Variants in GTF2B observed in about 807,000 individuals in gnomAD.
GTF2B encodes general transcription factor IIB, also known as transcription initiation factor IIB.
GTF2B carries 20 observed loss-of-function variants against 34.6 expected under a neutral mutation model. The observed-to-expected ratio is 0.58, with a 90% CI of 0.41 to 0.84. The LOEUF is 0.84. GTF2B is among the 40% of genes least tolerant of loss of function. GTF2B has a pLI of 0.00. For synonymous variants in GTF2B, 142 were observed against 132.4 expected (o/e 1.07, Z -0.50); for missense variants, 237 against 393.3 (o/e 0.60, Z 3.36).
At chr1:88,856,266 CAAAAACAAAAAAAAAAAAA>C (rs1200374666) in intron 6 of GTF2B, among the ~76,000 whole-genome samples, 7 of 5,976 alleles carry the variant, frequency 1.2e-3, no homozygotes, top group East Asian at 4.0e-3. Context: ...GAGACTGTTT[CAAAAACAAAAAAAAAAAAA>C]AAAAACAAAA....
At chr1:88,867,846 C>T (rs959663496) in intron 2 of GTF2B, among the ~76,000 whole-genome samples, 2 of 152,012 alleles carry the variant, frequency 1.3e-5, no homozygotes, top group African/African-American at 2.4e-5. Context: ...AAATAGAAAG[C>T]GCAACACTGG....
chr1:88,891,376 C>T, intron 1 of GTF2B, 107 bp downstream of exon 1: 2 of 783,816 alleles, frequency 2.6e-6, no homozygotes, highest in South Asian at 1.7e-5. Context: ...CGCTTCTCTC[C>T]CATACCCCTA....
rs188836725 is a variant in GTF2B at position 88,871,485 on chromosome 1, A to G, written c.125-7371T>C. Among the ~76,000 whole-genome samples the G allele has an allele frequency of 4.1e-4, 63 of 152,336 alleles. 1 individual carries two copies. The highest frequency in any genetic ancestry group is 1.4e-3 in the African/African-American group (59 of 41,582). On this transcript the variant is annotated intron_variant, in intron 2 of 6. Transcript: ENST00000370500. Reference sequence around the variant, plus strand: ...AAGGGAAATGTGGGAAGTTATACACAGACTTAATAATGGCTTCTGACCAAA... The same window carrying G: ...AAGGGAAATGTGGGAAGTTATACACGGACTTAATAATGGCTTCTGACCAAA...
intron 2 of GTF2B, among the ~76,000 whole-genome samples, chr1:88,878,342 T>A (rs1557659600): frequency 6.6e-6 from 1 of 152,170 alleles, no homozygotes; most frequent in Non-Finnish European, 1.5e-5. Context: ...ACTGATGAAA[T>A]GGGCAGCTAA....
At chr1:88,854,113 T>C (rs66827886) in intron 6 of GTF2B, among the ~76,000 whole-genome samples, 16,704 of 152,192 alleles carry the variant, frequency 0.11, 2,290 homozygotes, top group African/African-American at 0.32. Context: ...TCCACAAATA[T>C]GTTCTTGTAA....
At chr1:88,873,627 T>C (rs1200276422) in intron 2 of GTF2B, among the ~76,000 whole-genome samples, 1 of 152,224 alleles carries the variant, frequency 6.6e-6, no homozygotes, top group Non-Finnish European at 1.5e-5. Context: ...CCTAGGCTAG[T>C]ATGACCCAAG....
rs199677282 is a variant in GTF2B, at chr1:88,864,141, C to G, written c.125-27G>C. 1.7e-4 allele frequency: 282 copies of G among 1,611,890 alleles called. 2 individuals are homozygous for G. In the South Asian group the frequency reaches 2.6e-3, roughly 15 times the overall value. On this transcript the variant is annotated intron_variant, in intron 2 of 6. Transcript: ENST00000370500. ...TAAGAATATAAGCACATATCTGAAT[C>G]ATTTTGTCAAGATAGGGTTTACTTA... is the stretch of plus-strand genomic sequence containing the variant.
chr1:88,885,052 TTC>T (rs1234005237), intron 2 of GTF2B, among the ~76,000 whole-genome samples: 1 of 152,228 alleles, frequency 6.6e-6, no homozygotes, highest in African/African-American at 2.4e-5. Flanking sequence ...CACATGTGGT[TTC>T]TGTTGAAGCT....
chr1:88,880,356 T>C (rs1673908569), intron 2 of GTF2B, among the ~76,000 whole-genome samples: 1 of 152,198 alleles, frequency 6.6e-6, no homozygotes. Context: ...ATTTTCTTAG[T>C]GTAAGAGGTA....
intron 1 of GTF2B, 184 bp from the exon 2 acceptor site, chr1:88,887,551 C>G: frequency 1.9e-6 from 1 of 520,892 alleles, no homozygotes; most frequent in Non-Finnish European, 3.5e-6. Context: ...CAGCTAGTAA[C>G]TGGCAAGTAG....
intron 2 of GTF2B, among the ~76,000 whole-genome samples, chr1:88,870,038 CT>C (rs1673652961): frequency 6.6e-6 from 1 of 152,084 alleles, no homozygotes; most frequent in Non-Finnish European, 1.5e-5. Context: ...CGCCCTTCTC[CT>C]GCCTCAGCCT....
At chr1:88,858,028 T>C (rs1013346228) in intron 5 of GTF2B, among the ~76,000 whole-genome samples, 2 of 151,714 alleles carry the variant, frequency 1.3e-5, no homozygotes, top group Admixed American at 6.6e-5. Flanking sequence ...TTTTTTGAGA[T>C]GAAATTTCAC....
intron 1 of GTF2B, among the ~76,000 whole-genome samples, chr1:88,890,240 G>T (rs1258021567): frequency 6.6e-6 from 1 of 151,380 alleles, no homozygotes; most frequent in African/African-American, 2.4e-5. Flanking sequence ...CCTACAAGGA[G>T]GCCTTACCCG....
At chr1:88,861,850 A>C (rs938112072) in intron 3 of GTF2B, among the ~76,000 whole-genome samples, 1 of 152,126 alleles carries the variant, frequency 6.6e-6, no homozygotes, top group Non-Finnish European at 1.5e-5. Flanking sequence ...AAAACCAAAA[A>C]ACCCCACAGG....
chr1:88,863,954 G>T, intron 3 of GTF2B, 27 bp downstream of exon 3: 1 of 1,608,400 alleles, frequency 6.2e-7, no homozygotes, highest in Non-Finnish European at 8.5e-7. Flanking sequence ...TCTGCAATTG[G>T]TATTTCCTGC....
intron 2 of GTF2B, among the ~76,000 whole-genome samples, chr1:88,885,859 T>C (rs1200397472): frequency 6.6e-6 from 1 of 152,200 alleles, no homozygotes; most frequent in Non-Finnish European, 1.5e-5. Context: ...AAAGCCAGAA[T>C]TAACAAATAG....
intron 3 of GTF2B, among the ~76,000 whole-genome samples, chr1:88,862,651 C>T (rs1673464123): frequency 6.6e-6 from 1 of 152,088 alleles, no homozygotes; most frequent in South Asian, 2.1e-4. Context: ...AGTTCAAGAC[C>T]TGCCTGGACA....
intron 2 of GTF2B, among the ~76,000 whole-genome samples, chr1:88,870,977 C>T (rs1377343795): frequency 1.3e-5 from 2 of 148,234 alleles, no homozygotes; most frequent in African/African-American, 5.0e-5. Context: ...TCTTGGCTCA[C>T]TGCAACCTCT....
chr1:88,880,491 G>A (rs1052819338), intron 2 of GTF2B, among the ~76,000 whole-genome samples: 5 of 152,098 alleles, frequency 3.3e-5, no homozygotes, highest in Non-Finnish European at 7.4e-5. Context: ...TATACACAAT[G>A]GTGGTCCCTT....
Sources: allele counts gnomAD v4.1 joint callset (sites outside exome capture counted in the v4.1 genomes callset), GRCh38; gene constraint gnomAD v4.1.1; transcripts MANE v1.5; gene names NCBI Gene and HGNC (gene_info 2026-07-23, HGNC 2026-07-21).